XNDC1N: variants seen among roughly 807,000 people sequenced by gnomAD.
XNDC1N encodes XRCC1 N-terminal domain containing 1, N-terminal like.
chr11:71,920,628 T>C, the XNDC1N span, among the ~76,000 whole-genome samples: 1 of 152,216 alleles, frequency 6.6e-6, no homozygotes, highest in African/African-American at 2.4e-5. Flanking sequence ...GGACATTTAT[T>C]TATCTTTATA....
chr11:71,898,588 CAGAG>C, the XNDC1N span, among the ~76,000 whole-genome samples: 1 of 152,182 alleles, frequency 6.6e-6, no homozygotes, highest in African/African-American at 2.4e-5. Context: ...GCCGGGGTGA[CAGAG>C]AAAGACTCTG....
At chr11:71,910,095 C>T in the XNDC1N span, among the ~76,000 whole-genome samples, 8 of 152,234 alleles carry the variant, frequency 5.3e-5, no homozygotes, top group South Asian at 1.7e-3. Flanking sequence ...TCAAGGTATC[C>T]AGGTCCGTCT....
At chr11:71,897,356 T>C in the XNDC1N span, among the ~76,000 whole-genome samples, 1 of 152,214 alleles carries the variant, frequency 6.6e-6, no homozygotes, top group African/African-American at 2.4e-5. Context: ...AGCCATCATA[T>C]ATAAAGAACA....
the XNDC1N span, among the ~76,000 whole-genome samples, chr11:71,905,820 T>C: frequency 3.3e-5 from 5 of 152,062 alleles, no homozygotes; most frequent in Non-Finnish European, 7.4e-5. Flanking sequence ...TTAGGAGTTA[T>C]ATCTCCCTAA....
chr11:71,926,859 C>T, the XNDC1N span, among the ~76,000 whole-genome samples: 1 of 151,662 alleles, frequency 6.6e-6, no homozygotes, highest in Non-Finnish European at 1.5e-5. Flanking sequence ...CAAGATCACC[C>T]CTCTGTACTC....
At chr11:71,916,077 G>C in the XNDC1N span, 1 of 702,812 alleles carries the variant, frequency 1.4e-6, no homozygotes, top group South Asian at 1.5e-5. Context: ...TACATACCTT[G>C]TTCAGCACAG....
chr11:71,867,918 C>A, the XNDC1N span, among the ~76,000 whole-genome samples: 1 of 152,178 alleles, frequency 6.6e-6, no homozygotes, highest in Non-Finnish European at 1.5e-5. Flanking sequence ...GTGTGGTTAT[C>A]TAAGTCTTTT....
chr11:71,880,293 A>G, the XNDC1N span, among the ~76,000 whole-genome samples: 3 of 152,182 alleles, frequency 2.0e-5, no homozygotes, highest in Admixed American at 1.3e-4. Flanking sequence ...CATCATATGA[A>G]TTATTTAGCA....
At chr11:71,887,050 C>T in the XNDC1N span, among the ~76,000 whole-genome samples, 1 of 152,182 alleles carries the variant, frequency 6.6e-6, no homozygotes, top group African/African-American at 2.4e-5. Context: ...GGAAGGGGCC[C>T]TGCTCAACCT....
At chr11:71,868,288 G>T in the XNDC1N span, among the ~76,000 whole-genome samples, 1 of 152,148 alleles carries the variant, frequency 6.6e-6, no homozygotes, top group African/African-American at 2.4e-5. Flanking sequence ...TATGTTCAAG[G>T]TTAATATTGC....
chr11:71,887,821 G>C, the XNDC1N span, among the ~76,000 whole-genome samples: 3,944 of 149,828 alleles, frequency 0.026, no homozygotes, highest in East Asian at 0.052. Context: ...CGTCCACATT[G>C]TTGGGGTTCC....
the XNDC1N span, among the ~76,000 whole-genome samples, chr11:71,869,785 GCA>G: frequency 6.6e-6 from 1 of 152,158 alleles, no homozygotes; most frequent in Admixed American, 6.5e-5. Context: ...AGGAACTACT[GCA>G]GTCCCTTGAA....
the XNDC1N span, among the ~76,000 whole-genome samples, chr11:71,887,006 A>T: frequency 6.6e-6 from 1 of 152,164 alleles, no homozygotes; most frequent in Non-Finnish European, 1.5e-5. Context: ...AAAAGAAAAC[A>T]AGGTGACTCA....
At chr11:71,885,704 T>A in the XNDC1N span, among the ~76,000 whole-genome samples, 23 of 152,076 alleles carry the variant, frequency 1.5e-4, no homozygotes, top group Admixed American at 1.3e-4. Context: ...CCTCATTTAT[T>A]ATTAACATGA....
At chr11:71,876,070 GA>G in the XNDC1N span, among the ~76,000 whole-genome samples, 1 of 152,010 alleles carries the variant, frequency 6.6e-6, no homozygotes, top group Non-Finnish European at 1.5e-5. Flanking sequence ...TCAACAAGAA[GA>G]AAAATAGATA....
chr11:71,888,917 G>C, the XNDC1N span, among the ~76,000 whole-genome samples: 38 of 152,312 alleles, frequency 2.5e-4, no homozygotes, highest in Admixed American at 3.3e-4. Context: ...TTGTGTAGAA[G>C]TGTTGGACTC....
chr11:71,921,626 C>T, the XNDC1N span, among the ~76,000 whole-genome samples: 4 of 152,002 alleles, frequency 2.6e-5, no homozygotes, highest in Non-Finnish European at 5.9e-5. Context: ...GGTTTTCAAC[C>T]TTTTTTGTTT....
chr11:71,926,886 G>A, the XNDC1N span, among the ~76,000 whole-genome samples: 2 of 151,458 alleles, frequency 1.3e-5, no homozygotes, highest in Admixed American at 1.3e-4. Context: ...GGGTGACAAA[G>A]TGAGATTCTG....
the XNDC1N span, among the ~76,000 whole-genome samples, chr11:71,886,642 AGC>A: frequency 1.3e-5 from 2 of 152,220 alleles, no homozygotes; most frequent in African/African-American, 4.8e-5. Flanking sequence ...CCTGAAAATC[AGC>A]GCATGATTCC....
Sources: gnomAD v4.1 joint callset for allele counts (sites outside exome capture counted in the v4.1 genomes callset) on GRCh38, gnomAD v4.1.1 for gene constraint, MANE v1.5 for transcripts, NCBI Gene and HGNC (gene_info 2026-07-23, HGNC 2026-07-21) for gene names.